Variants in SLC15A4 observed in about 807,000 individuals in gnomAD.
SLC15A4 encodes hPHT1.
Under a neutral mutation model 46.1 loss-of-function variants are expected in SLC15A4, and 26 were observed. The observed-to-expected ratio is 0.56, with a 90% CI of 0.41 to 0.78. The LOEUF (loss-of-function observed/expected upper bound fraction) is 0.78, where lower values mean the gene tolerates loss of function less well. Among genes scored for constraint, SLC15A4 ranks in the 30% least tolerant of loss-of-function variants. The pLI, the probability that SLC15A4 is intolerant of heterozygous loss-of-function variation, is 0.00. For missense variants in SLC15A4, 751 were observed against 755.7 expected, an observed-to-expected ratio of 0.99 and a Z score of 0.07; for synonymous variants, 370 against 333.4, an observed-to-expected ratio of 1.11 and a Z score of -1.20.
chr12:128,795,628 C>T (rs1163686596), intron 7 of SLC15A4, among the ~76,000 whole-genome samples: 1 of 152,262 alleles, frequency 6.6e-6, no homozygotes, highest in Non-Finnish European at 1.5e-5. Flanking sequence ...AGGTCTGGAA[C>T]TGTCCACTCT....
intron 1 of SLC15A4, among the ~76,000 whole-genome samples, chr12:128,821,879 C>T (rs1181026062): frequency 2.6e-5 from 2 of 75,894 alleles, no homozygotes; most frequent in African/African-American, 4.1e-5. Context: ...AGCGAGACTC[C>T]GCCTCAAAAA....
intron 5 of SLC15A4, among the ~76,000 whole-genome samples, chr12:128,805,044 TAA>T (rs1470773184): frequency 1.3e-5 from 2 of 152,140 alleles, no homozygotes; most frequent in Admixed American, 1.3e-4. Flanking sequence ...GTTTGTCTTC[TAA>T]AACGCAGGAA....
rs1476706226 is a variant in SLC15A4 at position 128,809,060 on chromosome 12, C to T, written c.1090-104G>A. 6.5e-6 allele frequency: 7 copies of T among 1,077,218 alleles called. No individual in the cohort carries two copies. The East Asian group carries it at 1.7e-4, about 26-fold the overall frequency. 66.7% of individuals were successfully genotyped at this position (1,077,218 alleles called of 1,614,324 possible). A position where few individuals can be genotyped will look rare whatever the true frequency, so the allele number is the denominator to read the frequency against. On this transcript the variant is annotated intron_variant, in intron 4 of 7. Coordinates refer to ENST00000266771, the MANE Select transcript of SLC15A4 (RefSeq NM_145648.4). Reference sequence around the variant, plus strand: ...GGAGAAATGCACGTAAAGAACAGTTCCTCTCCACAAGGTACAACCTCTTCA... The same window carrying T: ...GGAGAAATGCACGTAAAGAACAGTTTCTCTCCACAAGGTACAACCTCTTCA...
At chr12:128,812,055 C>T (rs1040627526) in intron 2 of SLC15A4, among the ~76,000 whole-genome samples, 1 of 152,214 alleles carries the variant, frequency 6.6e-6, no homozygotes, top group Non-Finnish European at 1.5e-5. Context: ...TGTGTGTATT[C>T]TCCAGGAAAA....
chr12:128,801,096 T>C (rs1955513760), intron 5 of SLC15A4, 87 bp from the exon 6 acceptor site: 2 of 1,269,868 alleles, frequency 1.6e-6, no homozygotes, highest in Admixed American at 4.7e-5. Context: ...CGAGACTTCG[T>C]AGCAAACGTG....
chr12:128,818,291 C>T (rs929428425), intron 1 of SLC15A4, among the ~76,000 whole-genome samples: 1 of 152,294 alleles, frequency 6.6e-6, no homozygotes. Context: ...GCCAACTAGG[C>T]CTCCTTCTCA....
chr12:128,796,739 GCTA>G (rs1955449110), intron 7 of SLC15A4, among the ~76,000 whole-genome samples: 1 of 152,172 alleles, frequency 6.6e-6, no homozygotes. Flanking sequence ...GGCATTTGAC[GCTA>G]CTGAGACGAG....
intron 6 of SLC15A4, 132 bp from the exon 7 acceptor site, chr12:128,799,549 CTT>C: frequency 1.1e-6 from 1 of 894,250 alleles, no homozygotes; most frequent in Non-Finnish European, 1.7e-6. Flanking sequence ...GGCACAACCT[CTT>C]TTCTATTAGG....
intron 7 of SLC15A4, among the ~76,000 whole-genome samples, chr12:128,795,782 C>T (rs930579291): frequency 2.0e-5 from 3 of 152,232 alleles, no homozygotes; most frequent in Non-Finnish European, 2.9e-5. Context: ...CAGGCCAAGC[C>T]GAGTGTCGCC....
intron 1 of SLC15A4, among the ~76,000 whole-genome samples, chr12:128,818,701 C>A (rs1262047398): frequency 6.6e-6 from 1 of 152,192 alleles, no homozygotes; most frequent in Non-Finnish European, 1.5e-5. Flanking sequence ...GATGTACAGC[C>A]ATCACTGCCA....
At chr12:128,820,694 C>G (rs544099868) in intron 1 of SLC15A4, among the ~76,000 whole-genome samples, 1 of 152,212 alleles carries the variant, frequency 6.6e-6, no homozygotes, top group East Asian at 1.9e-4. Flanking sequence ...ATGTAGCATA[C>G]GTGTCATGTG....
chr12:128,823,550 G>T lies in SLC15A4; in HGVS notation c.394C>A (p.Leu132Ile), dbSNP rs1374523489. 5 of 1,447,152 alleles carry T rather than the reference G, an allele frequency of 3.5e-6. No homozygotes were observed. The Admixed American group carries it at 1.4e-4, about 40-fold the overall frequency. The allele number at this position is 1,447,152 out of a possible 1,614,324, so 89.6% of individuals were successfully genotyped here. A position where few individuals can be genotyped will look rare whatever the true frequency, so the allele number is the denominator to read the frequency against. ...LLAAPATRAA[L>I]CGSARLLNCT... is the part of the protein sequence containing the mutation. Reference sequence around the variant, plus strand: ...TTGAGCAGGCGCGCGGAACCGCAGAGCGCGGCTCGCGTGGCGGGCGCGGCC... The same window carrying T: ...TTGAGCAGGCGCGCGGAACCGCAGATCGCGGCTCGCGTGGCGGGCGCGGCC... The change falls in exon 1 of 8, where the codon CTC (leucine) becomes ATC (isoleucine). Residue 132 changes from leucine to isoleucine, a missense_variant. Coordinates refer to ENST00000266771, the MANE Select transcript of SLC15A4 (RefSeq NM_145648.4).
At chr12:128,797,590 C>G (rs1202274009) in intron 7 of SLC15A4, among the ~76,000 whole-genome samples, 1 of 152,200 alleles carries the variant, frequency 6.6e-6, no homozygotes, top group Non-Finnish European at 1.5e-5. Context: ...TAACAAAACT[C>G]TGGGGACTCT....
At chr12:128,815,718 G>A (rs1593015258) in intron 1 of SLC15A4, 1 of 153,806 alleles carries the variant, frequency 6.5e-6, no homozygotes, top group East Asian at 1.9e-4. Context: ...ACAGTCACAG[G>A]ACCCACGCTC....
intron 5 of SLC15A4, among the ~76,000 whole-genome samples, chr12:128,808,377 G>A (rs989696950): frequency 6.6e-6 from 1 of 152,086 alleles, no homozygotes; most frequent in Non-Finnish European, 1.5e-5. Flanking sequence ...CAAAGGACTC[G>A]CAGGCACCCT....
chr12:128,794,594 C>A (rs940830201), intron 7 of SLC15A4, among the ~76,000 whole-genome samples: 4 of 152,214 alleles, frequency 2.6e-5, no homozygotes, highest in Non-Finnish European at 4.4e-5. Flanking sequence ...TGCAGCCCCC[C>A]ACCTGCCCCT....
intron 1 of SLC15A4, chr12:128,815,311 A>AGAGTTTGTCCAAGTATGTGGAAAAACTT: frequency 2.4e-6 from 1 of 418,482 alleles, no homozygotes; most frequent in Non-Finnish European, 4.4e-6. Context: ...CAAATGCTAG[A>AGAGTTTGTCCAAGTATGTGGAAAAACTT]GAGTTTTTCC....
At chr12:128,816,955 G>C (rs1955761860) in intron 1 of SLC15A4, among the ~76,000 whole-genome samples, 1 of 152,172 alleles carries the variant, frequency 6.6e-6, no homozygotes, top group Admixed American at 6.5e-5. Flanking sequence ...TTAAAATTGT[G>C]TGTTCCTCTC....
chr12:128,799,196 C>A, intron 7 of SLC15A4, 63 bp downstream of exon 7: 1 of 1,586,644 alleles, frequency 6.3e-7, no homozygotes. Context: ...TCAGCCATCT[C>A]CTGAGTGCCT....
Sources: gnomAD v4.1 joint callset for allele counts (sites outside exome capture counted in the v4.1 genomes callset) on GRCh38, gnomAD v4.1.1 for gene constraint, MANE v1.5 for transcripts, NCBI Gene and HGNC (gene_info 2026-07-23, HGNC 2026-07-21) for gene names.